DPY19L1: variants seen among roughly 807,000 people sequenced by gnomAD.
The protein encoded by DPY19L1 is dpy-19 like C-mannosyltransferase 1.
In DPY19L1, 35 loss-of-function variants were observed where a neutral mutation model predicts 96.9. The ratio of observed to expected loss-of-function variants is 0.36; its 90% confidence interval spans 0.28 to 0.48. DPY19L1 has a LOEUF of 0.48. DPY19L1 is among the 20% of genes least tolerant of loss of function. The pLI is 0.99. For missense variants in DPY19L1, 521 were observed against 777.9 expected (o/e 0.67, Z 3.93); for synonymous variants, 205 against 252.6 (o/e 0.81, Z 1.79).
At chr7:34,955,900 TA>T (rs1784368236) in intron 11 of DPY19L1, among the ~76,000 whole-genome samples, 1 of 152,154 alleles carries the variant, frequency 6.6e-6, no homozygotes, top group African/African-American at 2.4e-5. Context: ...CAAACCAAAT[TA>T]AATCTTTTTG....
At chr7:35,017,853 C>T (rs1337571409) in intron 3 of DPY19L1, 29 bp downstream of exon 3, 1 of 1,494,248 alleles carries the variant, frequency 6.7e-7, no homozygotes, top group Non-Finnish European at 9.2e-7. Context: ...TCCTAAAGTA[C>T]TATGATGAAA....
At chr7:35,017,814 A>G (rs1156644909) in intron 3 of DPY19L1, 68 bp downstream of exon 3, 1 of 1,255,882 alleles carries the variant, frequency 8.0e-7, no homozygotes, top group Non-Finnish European at 1.1e-6. Flanking sequence ...GAAATTTTCC[A>G]TAATAAAAAA....
intron 1 of DPY19L1, among the ~76,000 whole-genome samples, chr7:35,025,284 A>G (rs1366517802): frequency 2.0e-5 from 3 of 152,204 alleles, no homozygotes; most frequent in Admixed American, 6.5e-5. Flanking sequence ...TAGATGCACA[A>G]CACGTTTTCC....
chr7:34,945,709 C>T lies in DPY19L1; in HGVS notation c.1502G>A (p.Ser501Asn). 6.3e-7 allele frequency: 1 copy of T among 1,598,390 alleles called. No homozygotes were observed. Among genetic ancestry groups the T allele is most frequent in the Non-Finnish European group, 8.5e-7 (1 of 1,172,146 alleles). ...TTTAGCTAAGACACCCCACATATCA[C>T]TAATAATCTGTAAATAGATTTTGAA... is the stretch of plus-strand genomic sequence containing the variant. ...VFVAIVRKII[S>N]DMWGVLAKQQ... The change falls in exon 16 of 22, where the codon AGT (serine) becomes AAT (asparagine). Residue 501 changes from serine (S) to asparagine (N), a missense_variant. By Grantham distance (46) the Ser-to-Asn change is conservative. Transcript: ENST00000638088.
At chr7:34,935,006 A>T (rs925550497) in intron 21 of DPY19L1, among the ~76,000 whole-genome samples, 52 of 152,192 alleles carry the variant, frequency 3.4e-4, no homozygotes, top group African/African-American at 1.2e-3. Flanking sequence ...GAGTGTTCCC[A>T]TGAAGAGGGC....
chr7:34,959,920 T>G (rs1430258947), intron 10 of DPY19L1, among the ~76,000 whole-genome samples: 4 of 33,886 alleles, frequency 1.2e-4, no homozygotes, highest in Non-Finnish European at 2.2e-4. Flanking sequence ...TATATATATA[T>G]ATATTTATAT....
rs773205853 is a variant in DPY19L1 at position 34,931,647 on chromosome 7, T to G, written c.2173A>C (p.Lys725Gln). ...GKTPLCNLLV[K>Q]DSKPHFTTVF... is the part of the protein sequence containing the mutation. The stretch of plus-strand genomic sequence containing the variant: ...GTGGTGAAGTGAGGTTTGGAATCCT[T>G]CACCAAGAGGTTACATAAGGGAGTT... The change falls in exon 22 of 22, where the codon AAG becomes CAG. Residue 725 changes from lysine to glutamine, a missense_variant. By Grantham distance (53) the Lys-to-Gln change is moderately conservative. Transcript: ENST00000638088. The G allele has an allele frequency of 6.2e-7, 1 of 1,600,008 alleles. No individual in the cohort carries two copies.
At chr7:34,967,665 T>A (rs1315748114) in intron 9 of DPY19L1, among the ~76,000 whole-genome samples, 1 of 152,200 alleles carries the variant, frequency 6.6e-6, no homozygotes, top group African/African-American at 2.4e-5. Context: ...AGACAATGCC[T>A]CTACACCCTT....
chr7:34,959,384 A>G (rs538176609), intron 10 of DPY19L1, among the ~76,000 whole-genome samples: 50 of 152,338 alleles, frequency 3.3e-4, no homozygotes, highest in Non-Finnish European at 4.0e-4. Flanking sequence ...AAAGGATTAT[A>G]AATCATTCTA....
At chr7:35,017,026 A>C (rs1785866610) in intron 3 of DPY19L1, among the ~76,000 whole-genome samples, 1 of 151,916 alleles carries the variant, frequency 6.6e-6, no homozygotes, top group Admixed American at 6.6e-5. Context: ...TAAAGTGCCA[A>C]ACAGGGCATT....
At chr7:34,996,158 T>A (rs374430742) in intron 6 of DPY19L1, among the ~76,000 whole-genome samples, 3 of 152,348 alleles carry the variant, frequency 2.0e-5, no homozygotes, top group East Asian at 3.9e-4. Flanking sequence ...CCAAGTCTTG[T>A]CCATGAAAGA....
chr7:35,004,141 T>A (rs575755963), intron 6 of DPY19L1, among the ~76,000 whole-genome samples: 1 of 152,318 alleles, frequency 6.6e-6, no homozygotes, highest in East Asian at 1.9e-4. Context: ...AGTAAATGAT[T>A]AAAGGCTTAA....
chr7:34,952,740 A>T (rs576212530), intron 13 of DPY19L1, among the ~76,000 whole-genome samples: 1 of 152,326 alleles, frequency 6.6e-6, no homozygotes, highest in South Asian at 2.1e-4. Flanking sequence ...TATCAAAAAA[A>T]TGTGTCAACT....
intron 17 of DPY19L1, 99 bp from the exon 18 acceptor site, chr7:34,941,983 CA>C: frequency 8.4e-7 from 1 of 1,193,290 alleles, no homozygotes; most frequent in Non-Finnish European, 1.2e-6. Flanking sequence ...TCCTTAGTAA[CA>C]AAAAATACTA....
rs775663667 is a variant in DPY19L1 at position 34,973,622 on chromosome 7, G to A, written c.823-17C>T. On this transcript the variant is annotated splice_polypyrimidine_tract_variant and intron_variant, in intron 7 of 21. Coordinates refer to ENST00000638088, the MANE Select transcript of DPY19L1 (RefSeq NM_001366673.1). Reference sequence around the variant, plus strand: ...ACGGGTACACTGAAAAAAAAAATTTGTAGTATAGTATACTTGCTAAATTTA... The same window carrying A: ...ACGGGTACACTGAAAAAAAAAATTTATAGTATAGTATACTTGCTAAATTTA... 1.4e-6 allele frequency: 2 copies of A among 1,389,586 alleles called. No individual in the cohort carries two copies. Among genetic ancestry groups the A allele is most frequent in the South Asian group, 3.8e-5 (2 of 53,216 alleles). 86.1% of individuals were successfully genotyped at this position (1,389,586 alleles called of 1,614,324 possible). A position where few individuals can be genotyped will look rare whatever the true frequency, so the allele number is the denominator to read the frequency against.
rs1435110092 is a variant in DPY19L1, at chr7:35,018,599, G to A, written c.299-3C>T. On this transcript the variant is annotated splice_polypyrimidine_tract_variant and splice_region_variant and intron_variant, in intron 1 of 21. Coordinates refer to ENST00000638088, the MANE Select transcript of DPY19L1 (RefSeq NM_001366673.1). The stretch of plus-strand genomic sequence containing the variant: ...GTGCAACACTGCTGCAAAAACAGCT[G>A]TAAGAAAAAAGAAATTTAAATTAGA... The A allele has an allele frequency of 1.9e-6, 3 of 1,608,342 alleles. No homozygotes were observed. The highest frequency in any genetic ancestry group is 1.1e-5 in the South Asian group (1 of 89,178).
At chr7:34,936,107 A>G (rs139886329) in intron 21 of DPY19L1, among the ~76,000 whole-genome samples, 49 of 152,300 alleles carry the variant, frequency 3.2e-4, no homozygotes, top group Non-Finnish European at 5.6e-4. Context: ...AATCCAGCAC[A>G]CCCTCTTCTG....
intron 1 of DPY19L1, among the ~76,000 whole-genome samples, chr7:35,025,121 G>A (rs558330542): frequency 6.6e-6 from 1 of 152,136 alleles, no homozygotes; most frequent in South Asian, 2.1e-4. Context: ...TCTGTATAGC[G>A]AACAAATGAA....
In DPY19L1 at chr7:34,929,499, A is replaced by G. The variant is rs1029344595; in HGVS notation, c.*2074T>C. Reference sequence around the variant, plus strand: ...ATAGTATTTTTAATGCTTTTTTCCTATACAGAATTTCTACTTATTACATGT... The same window carrying G: ...ATAGTATTTTTAATGCTTTTTTCCTGTACAGAATTTCTACTTATTACATGT... On this transcript the variant is annotated 3_prime_UTR_variant, in exon 22 of 22. Coordinates refer to ENST00000638088, the MANE Select transcript of DPY19L1 (RefSeq NM_001366673.1). The G allele has an allele frequency of 3.3e-5, 5 of 152,204 alleles. No homozygotes were observed. The highest frequency in any genetic ancestry group is 1.2e-4 in the African/African-American group (5 of 41,460). 9.4% of individuals were successfully genotyped at this position (152,204 alleles called of 1,614,324 possible).
Sources: gnomAD v4.1 joint callset for allele counts (sites outside exome capture counted in the v4.1 genomes callset) on GRCh38, gnomAD v4.1.1 for gene constraint, MANE v1.5 for transcripts, NCBI Gene and HGNC (gene_info 2026-07-23, HGNC 2026-07-21) for gene names.